HNRNPUL2: variants seen among roughly 807,000 people sequenced by gnomAD.
The protein encoded by HNRNPUL2 is heterogeneous nuclear ribonucleoprotein U like 2, also known as heterogeneous nuclear ribonucleoprotein U-like protein 2.
A neutral mutation model predicts 102.2 loss-of-function variants in HNRNPUL2; 27 were observed. That is an observed-to-expected ratio of 0.26 (90% CI 0.19 to 0.36). The LOEUF is 0.36. HNRNPUL2 is among the 10% of genes least tolerant of loss of function. The pLI is 1.00. For synonymous variants in HNRNPUL2, 458 were observed against 387.2 expected (o/e 1.18, Z -2.15); for missense variants, 936 against 981.1 (o/e 0.95, Z 0.61).
chr11:62,717,799 A>C (rs1047910059), intron 10 of HNRNPUL2, among the ~76,000 whole-genome samples: 1 of 152,194 alleles, frequency 6.6e-6, no homozygotes, highest in African/African-American at 2.4e-5. Flanking sequence ...AGAGAGACTC[A>C]ATGAGAAACT....
intron 10 of HNRNPUL2, among the ~76,000 whole-genome samples, chr11:62,717,765 C>A (rs964786977): frequency 1.3e-5 from 2 of 152,196 alleles, no homozygotes; most frequent in African/African-American, 4.8e-5. Context: ...CTGAGTGCCA[C>A]TGCACTCTGG....
intron 10 of HNRNPUL2, among the ~76,000 whole-genome samples, chr11:62,718,817 C>G (rs1471539971): frequency 6.6e-6 from 1 of 150,908 alleles, no homozygotes; most frequent in Non-Finnish European, 1.5e-5. Context: ...GTTTAAATTA[C>G]CCTACGGTCA....
chr11:62,725,538 C>T (rs2083738827), intron 1 of HNRNPUL2, among the ~76,000 whole-genome samples: 1 of 152,168 alleles, frequency 6.6e-6, no homozygotes, highest in South Asian at 2.1e-4. Flanking sequence ...TTGGGATATA[C>T]ATAAGTCAAA....
Position 62,712,654 on chromosome 11 carries a change from A to G in HNRNPUL2, c.*2645T>C, listed in dbSNP as rs1457691638. On this transcript the variant is annotated 3_prime_UTR_variant, in exon 14 of 14. Coordinates refer to ENST00000301785, the MANE Select transcript of HNRNPUL2 (RefSeq NM_001079559.3). ...GTGAATTCAATCCAAATGGTTATTT[A>G]TTCTAAAACTGGAAGCTACTTTGCC... The G allele has an allele frequency of 6.6e-6, 1 of 152,254 alleles. No individual in the cohort carries two copies. The highest frequency in any genetic ancestry group is 1.5e-5 in the Non-Finnish European group (1 of 68,046). 9.4% of individuals were successfully genotyped at this position (152,254 alleles called of 1,614,324 possible). A position where few individuals can be genotyped will look rare whatever the true frequency, so the allele number is the denominator to read the frequency against.
intron 10 of HNRNPUL2, among the ~76,000 whole-genome samples, chr11:62,719,630 G>T (rs963305419): frequency 2.0e-5 from 3 of 152,186 alleles, no homozygotes; most frequent in Non-Finnish European, 4.4e-5. Context: ...CCAGGGATAA[G>T]ATCTCTTTAA....
intron 3 of HNRNPUL2, 87 bp from the exon 4 acceptor site, chr11:62,723,813 G>T: frequency 6.3e-7 from 1 of 1,599,536 alleles, no homozygotes; most frequent in Non-Finnish European, 8.6e-7. Flanking sequence ...TGTTGTAGTG[G>T]ATACAAAGTC....
chr11:62,715,251 C>A lies in HNRNPUL2; in HGVS notation c.*48G>T, dbSNP rs748708758. The A allele has an allele frequency of 6.7e-7, 1 of 1,503,072 alleles. No homozygotes were observed. Among genetic ancestry groups the A allele is most frequent in the East Asian group, 2.3e-5 (1 of 42,618 alleles). 93.1% of individuals were successfully genotyped at this position (1,503,072 alleles called of 1,614,324 possible). A position where few individuals can be genotyped will look rare whatever the true frequency, so the allele number is the denominator to read the frequency against. On this transcript the variant is annotated 3_prime_UTR_variant, in exon 14 of 14. Transcript: ENST00000301785. ...TTGTGTTTTGCGGGGGTGCCTGGCA[C>A]CCCCAGAGATTCAGCTTCATGGCTG...
intron 7 of HNRNPUL2, 72 bp from the exon 8 acceptor site, chr11:62,722,014 C>T (rs1590898578): frequency 2.5e-6 from 4 of 1,606,184 alleles, no homozygotes; most frequent in Non-Finnish European, 3.4e-6. Context: ...AATTTAAGAA[C>T]ATCCTCCCAT....
rs564929814 is a variant in HNRNPUL2, at chr11:62,722,720, C to G, written c.983-7G>C. 2.5e-6 allele frequency: 4 copies of G among 1,611,938 alleles called. No homozygotes were observed. In the South Asian group the frequency reaches 3.3e-5, roughly 13 times the overall value. On this transcript the variant is annotated splice_region_variant and splice_polypyrimidine_tract_variant and intron_variant, in intron 5 of 13. Transcript: ENST00000301785. ...TAAGAGAATTCATCTTCACCTAGAACAGTCAACAAATTAGTTACCTACAAC... is the reference window on the plus strand; with the variant it reads ...TAAGAGAATTCATCTTCACCTAGAAGAGTCAACAAATTAGTTACCTACAAC...
At chr11:62,724,481 G>T in intron 1 of HNRNPUL2, 55 bp from the exon 2 acceptor site, 1 of 1,595,810 alleles carries the variant, frequency 6.3e-7, no homozygotes, top group Non-Finnish European at 8.6e-7. Flanking sequence ...TGTAGAATAA[G>T]CTCACAACTA....
intron 4 of HNRNPUL2, among the ~76,000 whole-genome samples, chr11:62,723,313 G>C (rs532392831): frequency 6.6e-6 from 1 of 152,284 alleles, no homozygotes; most frequent in African/African-American, 2.4e-5. Flanking sequence ...CCAACATGGA[G>C]AAACCCCATC....
chr11:62,726,515 G>A (rs762657071), intron 1 of HNRNPUL2, 104 bp downstream of exon 1: 2 of 1,210,776 alleles, frequency 1.7e-6, no homozygotes, highest in Non-Finnish European at 2.2e-6. Context: ...ATGGCACTTT[G>A]AGGCAAGCGA....
In HNRNPUL2 at chr11:62,715,242, T is replaced by A; in HGVS notation, c.*57A>T. ...TTTCCTTGGTTGTGTTTTGCGGGGG[T>A]GCCTGGCACCCCCAGAGATTCAGCT... On this transcript the variant is annotated 3_prime_UTR_variant, in exon 14 of 14. Transcript: ENST00000301785. 2 of 1,185,900 alleles carry A rather than the reference T, an allele frequency of 1.7e-6. No individual in the cohort carries two copies. The highest frequency in any genetic ancestry group is 2.3e-6 in the Non-Finnish European group (2 of 881,938). The allele number at this position is 1,185,900 out of a possible 1,614,324, so 73.5% of individuals were successfully genotyped here.
intron 1 of HNRNPUL2, among the ~76,000 whole-genome samples, chr11:62,725,864 C>T (rs2134783893): frequency 6.6e-6 from 1 of 152,314 alleles, no homozygotes; most frequent in South Asian, 2.1e-4. Context: ...CAGTCATTAC[C>T]ATTCAGGAAC....
Position 62,726,908 on chromosome 11 carries a change from C to T in HNRNPUL2, c.249G>A (p.Glu83=), listed in dbSNP as rs1487998311. 20 of 1,546,444 alleles carry T rather than the reference C, an allele frequency of 1.3e-5. No homozygotes were observed. Among genetic ancestry groups the T allele is most frequent in the Non-Finnish European group, 1.7e-5 (20 of 1,156,454 alleles). ...GDEEEDEEEE[E]EDEEALLEDE... ...CCTCAAGCAGCGCCTCCTCGTCCTC[C>T]TCCTCCTCCTCTTCGTCCTCCTCCT... Residue 83 remains glutamate, a synonymous_variant, in exon 1 of 14, where the codon GAG becomes GAA. Transcript: ENST00000301785.
At position 62,726,763 on chromosome 11, in the gene HNRNPUL2, C is replaced by T. The variant is rs1374176956; in HGVS notation, c.394G>A (p.Ala132Thr). 3 of 1,601,090 alleles carry T rather than the reference C, an allele frequency of 1.9e-6. No individual in the cohort carries two copies. The highest frequency in any genetic ancestry group is 2.5e-6 in the Non-Finnish European group (3 of 1,179,554). Residue 132 changes from alanine to threonine, a missense_variant, in exon 1 of 14, where the codon GCG becomes ACG. Ala to Thr is a moderately conservative substitution (Grantham distance 58). Coordinates refer to ENST00000301785, the MANE Select transcript of HNRNPUL2 (RefSeq NM_001079559.3). ...CCGCCTGACCCGGCCGTGGCCTCCG[C>T]CGGCTTCTCGGAAGCATCTGGCTCG... ...AAEPDASEKP[A>T]EATAGSGGVN...
rs1195147001 is a variant in HNRNPUL2, at chr11:62,712,916, G to A, written c.*2383C>T. On this transcript the variant is annotated 3_prime_UTR_variant, in exon 14 of 14. Coordinates refer to ENST00000301785, the MANE Select transcript of HNRNPUL2 (RefSeq NM_001079559.3). ...TAAAACACTAAACAAGTCTTCTAAGGAAAACAAGGCTAGGGATTCCTCTGG... is the reference window on the plus strand; with the variant it reads ...TAAAACACTAAACAAGTCTTCTAAGAAAAACAAGGCTAGGGATTCCTCTGG... The A allele has an allele frequency of 6.6e-6, 1 of 152,058 alleles. No homozygotes were observed. The highest frequency in any genetic ancestry group is 1.5e-5 in the Non-Finnish European group (1 of 68,004). The allele number at this position is 152,058 out of a possible 1,614,324, so 9.4% of individuals were successfully genotyped here.
intron 2 of HNRNPUL2, 53 bp from the exon 3 acceptor site, chr11:62,724,043 G>C (rs1170999877): frequency 2.8e-6 from 4 of 1,438,802 alleles, no homozygotes; most frequent in South Asian, 1.2e-5. Flanking sequence ...CCTCTTCTTT[G>C]AGGGGTGTGT....
intron 12 of HNRNPUL2, 50 bp downstream of exon 12, chr11:62,715,814 G>T: frequency 6.5e-7 from 1 of 1,544,294 alleles, no homozygotes. Flanking sequence ...CAAGCCAACA[G>T]AATGGCTCTC....
Sources: allele counts gnomAD v4.1 joint callset (sites outside exome capture counted in the v4.1 genomes callset), GRCh38; gene constraint gnomAD v4.1.1; transcripts MANE v1.5; gene names NCBI Gene and HGNC (gene_info 2026-07-23, HGNC 2026-07-21).